Variants in ZNF680 observed in about 807,000 individuals in gnomAD.
ZNF680 encodes hypothetical protein FLJ90430.
In ZNF680, 6 loss-of-function variants were observed where a neutral mutation model predicts 12.1. That is an observed-to-expected ratio of 0.49 (90% CI 0.27 to 0.98). ZNF680 has a LOEUF of 0.98. ZNF680 is among the 50% of genes least tolerant of loss of function. The pLI, the probability that ZNF680 is intolerant of heterozygous loss-of-function variation, is 0.12. For missense variants in ZNF680, 561 were observed against 616.3 expected (o/e 0.91, Z 0.95); for synonymous variants, 170 against 199.3 (o/e 0.85, Z 1.24).
intron 3 of ZNF680, 88 bp from the exon 4 acceptor site, chr7:64,522,588 T>C: frequency 3.0e-6 from 3 of 999,300 alleles, no homozygotes; most frequent in Non-Finnish European, 3.9e-6. Context: ...TTACACAAAC[T>C]ACATAAGCAA....
At chr7:64,537,728 C>T (rs372911940) in intron 3 of ZNF680, among the ~76,000 whole-genome samples, 17 of 152,142 alleles carry the variant, frequency 1.1e-4, no homozygotes, top group Admixed American at 2.0e-4. Flanking sequence ...GAGATCGAGA[C>T]CATCCTGGCT....
the ZNF680 span, among the ~76,000 whole-genome samples, chr7:64,510,693 G>A: frequency 6.8e-5 from 10 of 146,232 alleles, no homozygotes; most frequent in East Asian, 6.3e-4. Context: ...GGCGGATCAC[G>A]AGGTCAGGAG....
chr7:64,503,693 T>C, the ZNF680 span, among the ~76,000 whole-genome samples: 1 of 152,210 alleles, frequency 6.6e-6, no homozygotes, highest in Non-Finnish European at 1.5e-5. Context: ...TGTGAGTCTT[T>C]TGTCTGCTTA....
At chr7:64,540,444 A>G (rs1177227368) in intron 3 of ZNF680, among the ~76,000 whole-genome samples, 2 of 151,776 alleles carry the variant, frequency 1.3e-5, no homozygotes, top group Non-Finnish European at 2.9e-5. Flanking sequence ...AGCTGGGACT[A>G]CAGGCACCCG....
the ZNF680 span, among the ~76,000 whole-genome samples, chr7:64,509,801 A>T: frequency 6.6e-6 from 1 of 152,096 alleles, no homozygotes; most frequent in Non-Finnish European, 1.5e-5. Flanking sequence ...TCCATGTTGC[A>T]GCACCTATCA....
chr7:64,543,862 T>G lies in ZNF680; in HGVS notation c.158-60A>C, dbSNP rs902215586. On this transcript the variant is annotated intron_variant, in intron 2 of 3. Coordinates refer to ENST00000309683, the MANE Select transcript of ZNF680 (RefSeq NM_178558.5). ...TCATATTCTCCAATTACCAAACTAC[T>G]AATGTGCTCAGTAAAGAGAATGTCA... The G allele has an allele frequency of 5.7e-6, 8 of 1,406,354 alleles. No individual in the cohort carries two copies. The African/African-American group carries it at 1.1e-4, about 20-fold the overall frequency. The allele number at this position is 1,406,354 out of a possible 1,614,324, so 87.1% of individuals were successfully genotyped here.
At position 64,543,809 on chromosome 7, in the gene ZNF680, T is replaced by C. The variant is rs367739054; in HGVS notation, c.158-7A>G. Reference sequence around the variant, plus strand: ...GGCTTAGAGACAGCAATACCTGTTTTATTAAAAATAAATAACATGAATCTT... The same window carrying C: ...GGCTTAGAGACAGCAATACCTGTTTCATTAAAAATAAATAACATGAATCTT... On this transcript the variant is annotated splice_polypyrimidine_tract_variant and splice_region_variant and intron_variant, in intron 2 of 3. Transcript: ENST00000309683. The C allele has an allele frequency of 2.5e-6, 4 of 1,609,790 alleles. No individual in the cohort carries two copies. In the African/African-American group the frequency reaches 5.3e-5, roughly 22 times the overall value.
At chr7:64,560,739 G>A (rs1270491688) in intron 1 of ZNF680, among the ~76,000 whole-genome samples, 2 of 151,762 alleles carry the variant, frequency 1.3e-5, no homozygotes, top group African/African-American at 4.8e-5. Flanking sequence ...TTGAACCCAA[G>A]AGACAGAGGT....
chr7:64,553,791 T>A (rs1033571602), intron 1 of ZNF680, among the ~76,000 whole-genome samples: 2 of 152,212 alleles, frequency 1.3e-5, no homozygotes, highest in African/African-American at 4.8e-5. Flanking sequence ...TTCGCTGTGT[T>A]GGCCGGGCTG....
chr7:64,525,628 A>G, intron 3 of ZNF680: 1 of 401,040 alleles, frequency 2.5e-6, no homozygotes, highest in Non-Finnish European at 3.4e-6. Context: ...AACAATGTCA[A>G]TATAATAGGA....
At chr7:64,501,997 C>CTTTTTTTTTTTTTT in the ZNF680 span, among the ~76,000 whole-genome samples, 1 of 104,528 alleles carries the variant, frequency 9.6e-6, no homozygotes, top group African/African-American at 3.8e-5. Flanking sequence ...GGACGTATTT[C>CTTTTTTTTTTTTTT]TTTTTTTTTT....
At chr7:64,501,132 G>A in the ZNF680 span, 10 of 928,362 alleles carry the variant, frequency 1.1e-5, no homozygotes, top group South Asian at 1.4e-5. Context: ...CTGCAGCGAT[G>A]TATGGGTCAG....
At chr7:64,512,427 T>C in the ZNF680 span, among the ~76,000 whole-genome samples, 1 of 133,222 alleles carries the variant, frequency 7.5e-6, no homozygotes, top group African/African-American at 2.9e-5. Flanking sequence ...CACTCCAGCC[T>C]GGGCAACAAG....
chr7:64,515,040 T>TCACACACA (rs60936039), downstream of ZNF680, among the ~76,000 whole-genome samples: 20 of 149,078 alleles, frequency 1.3e-4, no homozygotes, highest in Admixed American at 4.7e-4. Context: ...CAAAACTCTG[T>TCACACACA]CACACACACA....
Position 64,521,054 on chromosome 7 carries a change from A to G in ZNF680, c.*107T>C. 1 of 1,246,100 alleles carries G rather than the reference A, an allele frequency of 8.0e-7. No homozygotes were observed. The highest frequency in any genetic ancestry group is 1.1e-6 in the Non-Finnish European group (1 of 901,116). 77.2% of individuals were successfully genotyped at this position (1,246,100 alleles called of 1,614,324 possible). On this transcript the variant is annotated 3_prime_UTR_variant, in exon 4 of 4. Coordinates refer to ENST00000309683, the MANE Select transcript of ZNF680 (RefSeq NM_178558.5). ...ACTTATAAAGTTTTCTCCAATATAA[A>G]TTATCTTACCTACAAGCAAGTGTAA...
At chr7:64,553,827 T>A (rs1787221514) in intron 1 of ZNF680, among the ~76,000 whole-genome samples, 1 of 152,182 alleles carries the variant, frequency 6.6e-6, no homozygotes, top group Non-Finnish European at 1.5e-5. Flanking sequence ...CCTCAAGTGA[T>A]CTGCCCGCCA....
chr7:64,559,108 A>C (rs897510787), intron 1 of ZNF680, among the ~76,000 whole-genome samples: 1 of 152,208 alleles, frequency 6.6e-6, no homozygotes, highest in Non-Finnish European at 1.5e-5. Flanking sequence ...TCTCTCCCTC[A>C]GTAACTCTAC....
At chr7:64,531,492 G>A (rs932178772) in intron 3 of ZNF680, among the ~76,000 whole-genome samples, 2 of 151,586 alleles carry the variant, frequency 1.3e-5, no homozygotes, top group Non-Finnish European at 2.9e-5. Flanking sequence ...AGCTACTCGG[G>A]TGGTTGAGGC....
intron 1 of ZNF680, among the ~76,000 whole-genome samples, chr7:64,547,636 T>C (rs576500317): frequency 3.3e-5 from 5 of 152,146 alleles, no homozygotes; most frequent in Non-Finnish European, 5.9e-5. Flanking sequence ...TGATTTTTTC[T>C]TGAAGATGTA....
Sources: gnomAD v4.1 joint callset for allele counts (sites outside exome capture counted in the v4.1 genomes callset) on GRCh38, gnomAD v4.1.1 for gene constraint, MANE v1.5 for transcripts, NCBI Gene and HGNC (gene_info 2026-07-23, HGNC 2026-07-21) for gene names.